FRMD6: variants seen among roughly 807,000 people sequenced by gnomAD.
The protein encoded by FRMD6 is FERM domain-containing protein 6.
Under a neutral mutation model 73.2 loss-of-function variants are expected in FRMD6, and 37 were observed. The observed-to-expected ratio is 0.51, with a 90% CI of 0.39 to 0.66. FRMD6 has a LOEUF of 0.66. Among genes scored for constraint, FRMD6 ranks in the 30% least tolerant of loss-of-function variants. FRMD6 has a pLI of 0.00. For synonymous variants in FRMD6, 273 were observed against 282.2 expected (o/e 0.97, Z 0.33); for missense variants, 714 against 780.5 (o/e 0.91, Z 1.02).
chr14:51,634,830 A>G (rs1004905624), intron 2 of FRMD6, among the ~76,000 whole-genome samples: 8 of 152,176 alleles, frequency 5.3e-5, no homozygotes, highest in Non-Finnish European at 8.8e-5. Flanking sequence ...TTCAAGCTTC[A>G]GTTTTTTCAT....
intron 1 of FRMD6, among the ~76,000 whole-genome samples, chr14:51,684,035 G>A (rs1019910153): frequency 3.3e-5 from 5 of 151,994 alleles, no homozygotes; most frequent in African/African-American, 4.8e-5. Flanking sequence ...TTTCTTTATA[G>A]GTAAAATGGT....
chr14:51,429,043 AAAAG>A, the FRMD6 span, among the ~76,000 whole-genome samples: 5 of 84,458 alleles, frequency 5.9e-5, no homozygotes, highest in African/African-American at 4.9e-5. Flanking sequence ...GAGAGAAAAG[AAAAG>A]GGAAGAGAAG....
intron 1 of FRMD6, among the ~76,000 whole-genome samples, chr14:51,556,894 C>T (rs1887165887): frequency 6.6e-6 from 1 of 152,178 alleles, no homozygotes; most frequent in African/African-American, 2.4e-5. Flanking sequence ...GACCTTTATT[C>T]TAAACCCAAG....
At chr14:51,550,287 G>A (rs1370866465) in intron 1 of FRMD6, among the ~76,000 whole-genome samples, 1 of 152,094 alleles carries the variant, frequency 6.6e-6, no homozygotes, top group Non-Finnish European at 1.5e-5. Context: ...TGTCCAGGCT[G>A]GAGTACTGGG....
chr14:51,512,969 A>C (rs543191965), intron 1 of FRMD6, among the ~76,000 whole-genome samples: 1 of 152,280 alleles, frequency 6.6e-6, no homozygotes, highest in African/African-American at 2.4e-5. Context: ...CAGAAGTGGA[A>C]AGTGGTGTGC....
chr14:51,705,412 G>A (rs555035008), intron 6 of FRMD6, among the ~76,000 whole-genome samples: 4 of 152,112 alleles, frequency 2.6e-5, no homozygotes, highest in East Asian at 1.9e-4. Context: ...TTATTCCAAC[G>A]TGAACTGTCT....
the FRMD6 span, among the ~76,000 whole-genome samples, chr14:51,421,256 GA>G: frequency 1.3e-5 from 2 of 152,182 alleles, no homozygotes; most frequent in African/African-American, 4.8e-5. Context: ...AGAAATGAAA[GA>G]AAACAGGGTT....
chr14:51,615,425 T>A (rs564279733), intron 2 of FRMD6, among the ~76,000 whole-genome samples: 10 of 152,296 alleles, frequency 6.6e-5, no homozygotes, highest in South Asian at 2.1e-4. Context: ...CAAGTAAACA[T>A]GACATTATTC....
the FRMD6 span, among the ~76,000 whole-genome samples, chr14:51,422,852 C>G: frequency 0.22 from 33,114 of 152,104 alleles, 4,259 homozygotes; most frequent in East Asian, 0.51. Context: ...ATATTGCCCT[C>G]TAGAAACATG....
At chr14:51,591,832 C>T (rs1217979370) in intron 2 of FRMD6, among the ~76,000 whole-genome samples, 2 of 152,180 alleles carry the variant, frequency 1.3e-5, no homozygotes, top group Admixed American at 6.6e-5. Context: ...TGAGCCACCA[C>T]ATCCGGCCAC....
chr14:51,632,311 T>C (rs900032979), intron 2 of FRMD6, among the ~76,000 whole-genome samples: 2 of 152,184 alleles, frequency 1.3e-5, no homozygotes, highest in Non-Finnish European at 1.5e-5. Flanking sequence ...AATGAAGTAA[T>C]ACACAAGAGA....
intron 2 of FRMD6, among the ~76,000 whole-genome samples, chr14:51,578,542 C>T (rs1397393170): frequency 3.3e-5 from 5 of 152,198 alleles, no homozygotes; most frequent in Non-Finnish European, 5.9e-5. Context: ...TCTCACCACT[C>T]GTGTGATACC....
chr14:51,715,970 C>T (rs1897217998), intron 10 of FRMD6, among the ~76,000 whole-genome samples: 1 of 152,186 alleles, frequency 6.6e-6, no homozygotes, highest in African/African-American at 2.4e-5. Context: ...GATGTGTCTG[C>T]AGCCTCTGAT....
intron 1 of FRMD6, among the ~76,000 whole-genome samples, chr14:51,531,433 G>A (rs958881924): frequency 4.6e-5 from 7 of 152,246 alleles, no homozygotes; most frequent in Non-Finnish European, 7.4e-5. Context: ...GAAAGACTAG[G>A]ACATATTGAG....
chr14:51,462,981 C>T, the FRMD6 span, among the ~76,000 whole-genome samples: 1 of 152,170 alleles, frequency 6.6e-6, no homozygotes, highest in Non-Finnish European at 1.5e-5. Flanking sequence ...TATGACAGTA[C>T]TAACCACCCT....
chr14:51,636,726 G>A (rs1220371382), intron 2 of FRMD6, among the ~76,000 whole-genome samples: 2 of 152,164 alleles, frequency 1.3e-5, no homozygotes, highest in Non-Finnish European at 2.9e-5. Context: ...TTGTTACAAG[G>A]TAAGGTGCTT....
chr14:51,485,749 T>A (rs1420613424), upstream of FRMD6, among the ~76,000 whole-genome samples: 1 of 152,252 alleles, frequency 6.6e-6, no homozygotes, highest in African/African-American at 2.4e-5. Flanking sequence ...CATGGCTCGG[T>A]TGAAGATTAT....
chr14:51,425,710 C>G, the FRMD6 span, among the ~76,000 whole-genome samples: 2 of 152,198 alleles, frequency 1.3e-5, no homozygotes, highest in East Asian at 3.8e-4. Context: ...CAGAATGTTG[C>G]CTGCACAGAT....
chr14:51,454,216 A>G, the FRMD6 span, among the ~76,000 whole-genome samples: 1 of 152,176 alleles, frequency 6.6e-6, no homozygotes, highest in Non-Finnish European at 1.5e-5. Flanking sequence ...CACGTACACA[A>G]TGCTTTCCAG....
Sources: allele counts gnomAD v4.1 joint callset (sites outside exome capture counted in the v4.1 genomes callset), GRCh38; gene constraint gnomAD v4.1.1; transcripts MANE v1.5; gene names NCBI Gene and HGNC (gene_info 2026-07-23, HGNC 2026-07-21).